Variants in SASH3 observed in about 807,000 individuals in gnomAD.
SASH3 encodes SAM and SH3 domain containing 3.
Under a neutral mutation model 26.1 loss-of-function variants are expected in SASH3, and 7 were observed. The observed-to-expected ratio is 0.27, with a 90% CI of 0.15 to 0.50. SASH3 has a LOEUF of 0.50. Among genes scored for constraint, SASH3 ranks in the 20% least tolerant of loss-of-function variants. SASH3 has a pLI of 0.98. For synonymous variants in SASH3, 138 were observed against 136.8 expected (o/e 1.01, Z -0.06); for missense variants, 231 against 318.3 (o/e 0.73, Z 2.09).
intron 3 of SASH3, among the ~76,000 whole-genome samples, chrX:129,789,945 A>T (rs1007036621): frequency 1.8e-5 from 2 of 112,335 alleles, no homozygotes; most frequent in African/African-American, 6.5e-5. Flanking sequence ...ATATTTTTTT[A>T]AAAAGGTAAA....
Position 129,788,432 on chromosome X carries a change from T to A in SASH3, c.155T>A (p.Ile52Asn), listed in dbSNP as rs1927149554. ...GGATCGCCTCTTTTGTTGTCACAGATTCCAGAAGATGACTCAGGTGTCCCC... is the reference window on the plus strand; with the variant it reads ...GGATCGCCTCTTTTGTTGTCACAGAATCCAGAAGATGACTCAGGTGTCCCC... ...SEKEFNLDDN[I>N]PEDDSGVPTP... Residue 52 changes from isoleucine (I) to asparagine (N), a missense_variant and splice_region_variant, in exon 3 of 8, where the codon ATT (isoleucine) becomes AAT (asparagine). By Grantham distance (149) the Ile-to-Asn change is moderately radical. Transcript: ENST00000356892. 8.3e-7 allele frequency: 1 copy of A among 1,209,642 alleles called. No homozygotes were observed. Among genetic ancestry groups the A allele is most frequent in the Admixed American group, 2.2e-5 (1 of 45,817 alleles).
chrX:129,789,975 C>T (rs1927202088), intron 3 of SASH3, among the ~76,000 whole-genome samples: 1 of 112,222 alleles, frequency 8.9e-6, no homozygotes, highest in Non-Finnish European at 1.9e-5. Flanking sequence ...GTGGTGTACA[C>T]CTATAATCCC....
At position 129,793,540 on chromosome X, in the gene SASH3, A is replaced by G; in HGVS notation, c.953-102A>G. On this transcript the variant is annotated intron_variant, in intron 7 of 7. Coordinates refer to ENST00000356892, the MANE Select transcript of SASH3 (RefSeq NM_018990.4). The stretch of plus-strand genomic sequence containing the variant: ...AGCTGGAAGCAGTGAGGAGAGGGGC[A>G]GGGCGGTGGCAGGTGCCCAGAAGGA... 7 of 873,866 alleles carry G rather than the reference A, an allele frequency of 8.0e-6. No individual in the cohort carries two copies. In the South Asian group the frequency reaches 1.7e-4, roughly 21 times the overall value. The allele number at this position is 873,866 out of a possible 1,213,427, so 72.0% of individuals were successfully genotyped here.
chrX:129,791,398 G>A (rs1055133373), intron 4 of SASH3, among the ~76,000 whole-genome samples: 3 of 111,907 alleles, frequency 2.7e-5, no homozygotes, highest in Non-Finnish European at 5.6e-5. Flanking sequence ...AGAGGCCCAC[G>A]GGCAGAGGAA....
chrX:129,792,766 G>T lies in SASH3; in HGVS notation c.731G>T (p.Arg244Leu), dbSNP rs751943834. 1.7e-6 allele frequency: 2 copies of T among 1,205,604 alleles called. No individual in the cohort carries two copies. The highest frequency in any genetic ancestry group is 1.1e-6 in the Non-Finnish European group (1 of 894,193). Residue 244 changes from arginine (R) to leucine (L), a missense_variant, in exon 6 of 8, where the codon CGC becomes CTC. Arg to Leu is a moderately radical substitution (Grantham distance 102). Coordinates refer to ENST00000356892, the MANE Select transcript of SASH3 (RefSeq NM_018990.4). Reference sequence around the variant, plus strand: ...GCCGTGGGGCATGCCCGCCCCAGCCGCCGACAGAGCAAGGGCAAGAGGCCC... The same window carrying T: ...GCCGTGGGGCATGCCCGCCCCAGCCTCCGACAGAGCAAGGGCAAGAGGCCC... The part of the protein sequence containing the change: ...EEAVGHARPS[R>L]RQSKGKRPKP...
At chrX:129,789,161 G>GAAAGAAAGAAAC (rs1927179022) in intron 3 of SASH3, among the ~76,000 whole-genome samples, 1 of 61,457 alleles carries the variant, frequency 1.6e-5, no homozygotes, top group Non-Finnish European at 2.7e-5. Context: ...AAGAAAGAAA[G>GAAAGAAAGAAAC]AAAGAGAAAA....
At position 129,793,903 on chromosome X, in the gene SASH3, G is replaced by A; in HGVS notation, c.*71G>A. On this transcript the variant is annotated 3_prime_UTR_variant, in exon 8 of 8. Transcript: ENST00000356892. ...TGTAGGAGTGGGCCCAGCCTCCCGTGGTGGCCCAGGTCCTGAGGACTGGCA... is the reference window on the plus strand; with the variant it reads ...TGTAGGAGTGGGCCCAGCCTCCCGTAGTGGCCCAGGTCCTGAGGACTGGCA... The A allele has an allele frequency of 1.0e-6, 1 of 1,003,681 alleles. No individual in the cohort carries two copies. Among genetic ancestry groups the A allele is most frequent in the Non-Finnish European group, 1.4e-6 (1 of 735,984 alleles). 82.7% of individuals were successfully genotyped at this position (1,003,681 alleles called of 1,213,427 possible).
intron 4 of SASH3, among the ~76,000 whole-genome samples, 181 bp from the exon 5 acceptor site, chrX:129,792,147 G>A (rs1290866643): frequency 5.4e-5 from 6 of 112,066 alleles, no homozygotes; most frequent in Admixed American, 3.8e-4. Flanking sequence ...CGTGCTCCTG[G>A]TCGGTAGCCA....
At chrX:129,782,171 G>A (rs929177281) in intron 1 of SASH3, among the ~76,000 whole-genome samples, 4 of 112,082 alleles carry the variant, frequency 3.6e-5, no homozygotes, top group Non-Finnish European at 7.5e-5. Context: ...CTTTCTTTGG[G>A]CCTCAGTTTC....
intron 1 of SASH3, among the ~76,000 whole-genome samples, chrX:129,785,180 G>A (rs749049625): frequency 9.0e-6 from 1 of 110,777 alleles, no homozygotes; most frequent in African/African-American, 3.3e-5. Flanking sequence ...GAAGTGAAAA[G>A]GGGGCCAACA....
chrX:129,782,444 G>T (rs939398504), intron 1 of SASH3, among the ~76,000 whole-genome samples: 1 of 112,107 alleles, frequency 8.9e-6, no homozygotes, highest in Non-Finnish European at 1.9e-5. Context: ...TGCCAGGCAC[G>T]GTGCTGTGCA....
rs1271871643 is a variant in SASH3, at chrX:129,787,004, A to G, written c.58-971A>G. On this transcript the variant is annotated intron_variant, in intron 1 of 7. Coordinates refer to ENST00000356892, the MANE Select transcript of SASH3 (RefSeq NM_018990.4). ...GGCGAGACTCCATCTCAGAAAAAAA[A>G]AAAAAAGGCAAGCTCAGCCGGGCAT... Among the ~76,000 whole-genome samples the G allele has an allele frequency of 2.8e-5, 3 of 106,091 alleles. No homozygotes were observed. In the East Asian group the frequency reaches 9.0e-4, roughly 32 times the overall value. 92.1% of individuals were successfully genotyped at this position (106,091 alleles called of 115,157 possible). A position where few individuals can be genotyped will look rare whatever the true frequency, so the allele number is the denominator to read the frequency against.
chrX:129,788,823 AGGGCTGGACATGGT>A (rs1377754342), intron 3 of SASH3, among the ~76,000 whole-genome samples: 1 of 110,956 alleles, frequency 9.0e-6, no homozygotes, highest in African/African-American at 3.3e-5. Context: ...TCTGGGCAAC[AGGGCTGGACATGGT>A]GGCTCCTGCC....
intron 3 of SASH3, among the ~76,000 whole-genome samples, chrX:129,790,559 G>T (rs1249121478): frequency 9.0e-6 from 1 of 111,052 alleles, no homozygotes; most frequent in Non-Finnish European, 1.9e-5. Flanking sequence ...TGGCAGGCAG[G>T]CCTGGCACAC....
chrX:129,793,447 T>G (rs1373001563), intron 7 of SASH3, among the ~76,000 whole-genome samples, 195 bp from the exon 8 acceptor site: 1 of 112,219 alleles, frequency 8.9e-6, no homozygotes, highest in Admixed American at 9.4e-5. Flanking sequence ...TGGCTCCAGC[T>G]TAGTGCTAAA....
At chrX:129,783,719 G>A (rs1927058007) in intron 1 of SASH3, among the ~76,000 whole-genome samples, 1 of 111,276 alleles carries the variant, frequency 9.0e-6, no homozygotes, top group Non-Finnish European at 1.9e-5. Flanking sequence ...CACACACACA[G>A]AGGTAGGGCC....
At chrX:129,787,230 TAA>T (rs753647661) in intron 1 of SASH3, among the ~76,000 whole-genome samples, 102 of 112,480 alleles carry the variant, frequency 9.1e-4, no homozygotes, top group African/African-American at 3.2e-3. Flanking sequence ...AGGTCATGCC[TAA>T]AAGTCCAAAC....
At chrX:129,791,437 C>T (rs1387854010) in intron 4 of SASH3, among the ~76,000 whole-genome samples, 10 of 112,071 alleles carry the variant, frequency 8.9e-5, no homozygotes, top group African/African-American at 1.3e-4. Context: ...TGGACCAGCC[C>T]GTCCCCACCT....
At position 129,795,159 on chromosome X, in the gene SASH3, G is replaced by A. The variant is rs1048030068; in HGVS notation, c.*1327G>A. The A allele has an allele frequency of 4.5e-5, 5 of 111,715 alleles. No homozygotes were observed. In the Admixed American group the frequency reaches 4.8e-4, roughly 11 times the overall value. 9.2% of individuals were successfully genotyped at this position (111,715 alleles called of 1,213,427 possible). A position where few individuals can be genotyped will look rare whatever the true frequency, so the allele number is the denominator to read the frequency against. The stretch of plus-strand genomic sequence containing the variant: ...GGGTTGGGTGTAAATATGAGAGGGT[G>A]GAGGGAGACCAGCTGGTAGCAATAA... On this transcript the variant is annotated 3_prime_UTR_variant, in exon 8 of 8. Coordinates refer to ENST00000356892, the MANE Select transcript of SASH3 (RefSeq NM_018990.4).
Sources: allele counts gnomAD v4.1 joint callset (sites outside exome capture counted in the v4.1 genomes callset), GRCh38; gene constraint gnomAD v4.1.1; transcripts MANE v1.5; gene names NCBI Gene and HGNC (gene_info 2026-07-23, HGNC 2026-07-21).